Variants in PSAP observed in about 807,000 individuals in gnomAD.
PSAP encodes precursor of saposins.
Under a neutral mutation model 66.0 loss-of-function variants are expected in PSAP, and 25 were observed. That is an observed-to-expected ratio of 0.38 (90% CI 0.28 to 0.53). The LOEUF is 0.53. Ranked by LOEUF, PSAP falls within the 20% of genes least tolerant of loss-of-function variation. The pLI is 0.83. For missense variants in PSAP, 649 were observed against 668.8 expected (o/e 0.97, Z 0.33); for synonymous variants, 273 against 258.9 (o/e 1.05, Z -0.52).
chr10:71,820,405 G>A, intron 8 of PSAP, 70 bp from the exon 9 acceptor site: 3 of 1,310,088 alleles, frequency 2.3e-6, no homozygotes, highest in Non-Finnish European at 3.3e-6. Context: ...CTCCCCTAAA[G>A]GAAAGGGGAC....
intron 1 of PSAP, among the ~76,000 whole-genome samples, chr10:71,848,865 G>A (rs1371108403): frequency 1.3e-5 from 2 of 152,198 alleles, no homozygotes; most frequent in Non-Finnish European, 2.9e-5. Flanking sequence ...TAATCCTAAA[G>A]GTAGGACAGC....
In PSAP at chr10:71,819,377, C is replaced by G. The variant is rs1842244958; in HGVS notation, c.1350+88G>C. The G allele has an allele frequency of 2.6e-6, 4 of 1,568,360 alleles. No individual in the cohort carries two copies. The South Asian group carries it at 3.3e-5, about 13-fold the overall frequency. ...ACTCCATGCCCGGAGGCAGAAACAG[C>G]TGGTTTTCCATCAAAATGTACCCCA... On this transcript the variant is annotated intron_variant, in intron 11 of 13. Transcript: ENST00000394936.
chr10:71,817,177 C>A lies in PSAP; in HGVS notation c.*264G>T. The A allele has an allele frequency of 5.4e-6, 3 of 558,456 alleles. No homozygotes were observed. Among genetic ancestry groups the A allele is most frequent in the Non-Finnish European group, 9.6e-6 (3 of 311,174 alleles). 34.6% of individuals were successfully genotyped at this position (558,456 alleles called of 1,614,324 possible). A position where few individuals can be genotyped will look rare whatever the true frequency, so the allele number is the denominator to read the frequency against. ...GAGCTCTCTCCTCCTCCAGCAGGCG[C>A]CATGCAAGGGCAGGCTAAAAGACCT... On this transcript the variant is annotated 3_prime_UTR_variant, in exon 14 of 14. Coordinates refer to ENST00000394936, the MANE Select transcript of PSAP (RefSeq NM_002778.4).
chr10:71,835,273 AT>A (rs1260188263), intron 1 of PSAP, among the ~76,000 whole-genome samples: 34 of 151,908 alleles, frequency 2.2e-4, no homozygotes, highest in African/African-American at 8.0e-4. Flanking sequence ...ATTAAAAAAA[AT>A]TCATACCCTT....
intron 12 of PSAP, 102 bp downstream of exon 12, chr10:71,818,929 A>C (rs1842233597): frequency 8.2e-7 from 1 of 1,215,414 alleles, no homozygotes; most frequent in Non-Finnish European, 1.2e-6. Context: ...CAGAACCCAG[A>C]GACTCCACCC....
At position 71,850,605 on chromosome 10, in the gene PSAP, T is replaced by C. The variant is rs535326787; in HGVS notation, c.40+577A>G. The stretch of plus-strand genomic sequence containing the variant: ...CTGTGTCACGGGCCATGGTCACTCA[T>C]ATTTGCCTCAGAATAAATCTCAAAA... On this transcript the variant is annotated intron_variant, in intron 1 of 13. Transcript: ENST00000394936. Among the ~76,000 whole-genome samples, 219 of 152,356 alleles carry C rather than the reference T, an allele frequency of 1.4e-3. 1 individual carries two copies. Among genetic ancestry groups the C allele is most frequent in the African/African-American group, 4.7e-3 (195 of 41,580 alleles).
chr10:71,825,105 C>G (rs952837760), intron 7 of PSAP, among the ~76,000 whole-genome samples: 9 of 152,136 alleles, frequency 5.9e-5, no homozygotes, highest in African/African-American at 9.7e-5. Flanking sequence ...AAAAAAATAC[C>G]CTTTAAGTAC....
chr10:71,822,839 T>G (rs1318765389), intron 7 of PSAP, among the ~76,000 whole-genome samples: 2 of 152,158 alleles, frequency 1.3e-5, no homozygotes, highest in African/African-American at 4.8e-5. Flanking sequence ...AGCTAGACCA[T>G]GACTATGGCT....
intron 4 of PSAP, among the ~76,000 whole-genome samples, chr10:71,829,491 C>T (rs1842468973): frequency 6.6e-6 from 1 of 152,222 alleles, no homozygotes. Context: ...TGCACATGCT[C>T]TCTTGCCTGC....
At chr10:71,819,220 A>G in intron 11 of PSAP, 109 bp from the exon 12 acceptor site, 2 of 1,127,960 alleles carry the variant, frequency 1.8e-6, no homozygotes, top group Non-Finnish European at 2.6e-6. Context: ...AGCTCCTGGC[A>G]TTCCCAGCCC....
At chr10:71,832,029 T>C (rs1280824844) in intron 2 of PSAP, 109 bp from the exon 3 acceptor site, 5 of 1,094,890 alleles carry the variant, frequency 4.6e-6, no homozygotes, top group Non-Finnish European at 7.0e-6. Flanking sequence ...AGGGATATGA[T>C]CATGACCGCG....
At chr10:71,848,594 C>G (rs1182690689) in intron 1 of PSAP, among the ~76,000 whole-genome samples, 10 of 152,146 alleles carry the variant, frequency 6.6e-5, no homozygotes, top group Non-Finnish European at 1.5e-5. Context: ...AGTGTCTCTA[C>G]CACCAGGACA....
At chr10:71,840,557 G>T (rs140245287) in intron 1 of PSAP, among the ~76,000 whole-genome samples, 7 of 152,340 alleles carry the variant, frequency 4.6e-5, no homozygotes, top group Non-Finnish European at 8.8e-5. Context: ...GAATCATTCA[G>T]AATAGTATAC....
chr10:71,840,352 C>G (rs1012458493), intron 1 of PSAP, among the ~76,000 whole-genome samples: 1 of 152,172 alleles, frequency 6.6e-6, no homozygotes, highest in African/African-American at 2.4e-5. Context: ...CGGCTTCTAC[C>G]GCAGGGCATT....
rs753606836 is a variant in PSAP, at chr10:71,829,038, C to G, written c.415G>C (p.Glu139Gln). ...TCTGCTAGGTGCTTCTGGAGAGACT[C>G]GCAGAGGTTGAGAGCAGAGCACACC... ...GEVCSALNLC[E>Q]SLQKHLAELN... The change falls in exon 5 of 14, where the codon GAG becomes CAG. Residue 139 changes from glutamate (E) to glutamine (Q), a missense_variant. Glu to Gln is a conservative substitution (Grantham distance 29). Coordinates refer to ENST00000394936, the MANE Select transcript of PSAP (RefSeq NM_002778.4). 1.9e-6 allele frequency: 3 copies of G among 1,613,986 alleles called. No homozygotes were observed. In the South Asian group the frequency reaches 3.3e-5, roughly 18 times the overall value.
intron 1 of PSAP, among the ~76,000 whole-genome samples, chr10:71,842,527 T>C (rs764471927): frequency 4.6e-5 from 7 of 152,174 alleles, no homozygotes; most frequent in Non-Finnish European, 8.8e-5. Flanking sequence ...AATTAGTATA[T>C]AGGGATCCTG....
chr10:71,847,654 A>C (rs1301225075), intron 1 of PSAP, among the ~76,000 whole-genome samples: 1 of 152,074 alleles, frequency 6.6e-6, no homozygotes, highest in East Asian at 1.9e-4. Context: ...CTCCAAAAAA[A>C]AAAAAAAGAA....
At chr10:71,851,118 C>A (rs1448265771) in intron 1 of PSAP, 64 bp downstream of exon 1, 1 of 1,532,280 alleles carries the variant, frequency 6.5e-7, no homozygotes, top group East Asian at 2.4e-5. Context: ...CCGGCACAGC[C>A]CATTCTGGGG....
At position 71,817,440 on chromosome 10, in the gene PSAP, C is replaced by T. The variant is rs750766676; in HGVS notation, c.*1G>A. On this transcript the variant is annotated 3_prime_UTR_variant, in exon 14 of 14. Coordinates refer to ENST00000394936, the MANE Select transcript of PSAP (RefSeq NM_002778.4). The stretch of plus-strand genomic sequence containing the variant: ...TCTGCCAAGATGGAATATTCCTCCT[C>T]CTAGTTCCACACATGGCGTTTGCAA... 3 of 1,614,120 alleles carry T rather than the reference C, an allele frequency of 1.9e-6. No homozygotes were observed. Among genetic ancestry groups the T allele is most frequent in the Non-Finnish European group, 2.5e-6 (3 of 1,179,958 alleles).
Sources: allele counts gnomAD v4.1 joint callset (sites outside exome capture counted in the v4.1 genomes callset), GRCh38; gene constraint gnomAD v4.1.1; transcripts MANE v1.5; gene names NCBI Gene and HGNC (gene_info 2026-07-23, HGNC 2026-07-21).